The following PCCA variants were observed in gnomAD, a reference collection of about 807,000 sequenced individuals.
The protein encoded by PCCA is propionyl-CoA carboxylase alpha chain, mitochondrial.
A neutral mutation model predicts 101.3 loss-of-function variants in PCCA; 74 were observed. That is an observed-to-expected ratio of 0.73 (90% CI 0.61 to 0.89). PCCA has a LOEUF of 0.89. Among genes scored for constraint, PCCA ranks in the 40% least tolerant of loss-of-function variants. PCCA has a pLI of 0.00. For synonymous variants in PCCA, 294 were observed against 313.6 expected, an observed-to-expected ratio of 0.94 and a Z score of 0.66; for missense variants, 891 against 907.0, an observed-to-expected ratio of 0.98 and a Z score of 0.23.
intron 20 of PCCA, among the ~76,000 whole-genome samples, chr13:100,436,578 G>A (rs1017854311): frequency 1.3e-5 from 2 of 152,210 alleles, no homozygotes; most frequent in African/African-American, 2.4e-5. Flanking sequence ...GGAAGTTGGC[G>A]TGAAACAGCC....
intron 21 of PCCA, among the ~76,000 whole-genome samples, chr13:100,474,615 A>G (rs1002493367): frequency 5.3e-5 from 8 of 152,216 alleles, no homozygotes; most frequent in African/African-American, 1.9e-4. Context: ...CTTCCCAGGT[A>G]GCTGGGACTA....
At chr13:100,420,315 G>A (rs2078661926) in intron 19 of PCCA, among the ~76,000 whole-genome samples, 1 of 152,224 alleles carries the variant, frequency 6.6e-6, no homozygotes, top group Admixed American at 6.5e-5. Context: ...GCTCACGTCT[G>A]TAATCTCAGC....
chr13:100,239,764 C>G (rs1441436130), intron 8 of PCCA, among the ~76,000 whole-genome samples: 2 of 152,108 alleles, frequency 1.3e-5, no homozygotes, highest in South Asian at 2.1e-4. Flanking sequence ...TAACAACTTC[C>G]AGATTATTCA....
chr13:100,262,411 T>G (rs1042627647), intron 9 of PCCA, among the ~76,000 whole-genome samples: 10 of 151,584 alleles, frequency 6.6e-5, no homozygotes, highest in African/African-American at 2.4e-4. Flanking sequence ...AAAAAAGTGA[T>G]ACTTAGCAGT....
At chr13:100,526,509 G>C (rs998178408) in intron 22 of PCCA, among the ~76,000 whole-genome samples, 6 of 151,998 alleles carry the variant, frequency 3.9e-5, no homozygotes, top group Non-Finnish European at 8.8e-5. Flanking sequence ...TGCGCCACAC[G>C]GGGGGGCCAG....
At chr13:100,191,669 G>T (rs1016246910) in intron 6 of PCCA, among the ~76,000 whole-genome samples, 1 of 152,136 alleles carries the variant, frequency 6.6e-6, no homozygotes, top group African/African-American at 2.4e-5. Flanking sequence ...CCCAACACTT[G>T]TTTTGTAAGA....
intron 10 of PCCA, 116 bp from the exon 11 acceptor site, chr13:100,268,573 A>G (rs750038096): frequency 3.8e-6 from 3 of 782,264 alleles, no homozygotes; most frequent in East Asian, 2.5e-5. Flanking sequence ...AGAGGTATGT[A>G]TATACTATGA....
intron 10 of PCCA, among the ~76,000 whole-genome samples, chr13:100,263,824 T>TACGGTATCTGTATATC (rs2062696387): frequency 1.7e-5 from 2 of 114,730 alleles, no homozygotes; most frequent in Admixed American, 1.8e-4. Context: ...GTATATCATA[T>TACGGTATCTGTATATC]ATATGGTATC....
At chr13:100,290,822 G>A (rs539495489) in intron 12 of PCCA, among the ~76,000 whole-genome samples, 11 of 152,032 alleles carry the variant, frequency 7.2e-5, no homozygotes, top group African/African-American at 1.9e-4. Flanking sequence ...GATCTTCCAG[G>A]TTACTAATTC....
chr13:100,203,306 T>A (rs950187531), intron 6 of PCCA, among the ~76,000 whole-genome samples: 3 of 151,054 alleles, frequency 2.0e-5, no homozygotes, highest in Non-Finnish European at 4.4e-5. Flanking sequence ...GAGATGATAG[T>A]TTTGATCTAT....
At chr13:100,204,801 C>A (rs970927866) in intron 6 of PCCA, among the ~76,000 whole-genome samples, 17 of 152,126 alleles carry the variant, frequency 1.1e-4, no homozygotes, top group African/African-American at 2.4e-4. Context: ...TCTTTCTCTT[C>A]TTTTGTCTTG....
At position 100,449,304 on chromosome 13, in the gene PCCA, T is replaced by G. The variant is rs375617644; in HGVS notation, c.1898T>G (p.Val633Gly). Reference protein sequence around the residue: ...GNMSIQFLGTVYKVNILTRLA... With the variant: ...GNMSIQFLGTGYKVNILTRLA... The stretch of plus-strand genomic sequence containing the variant: ...ATGAGCATTCAGTTTCTTGGTACAG[T>G]GGTAAGTATGAAATCATTCTTTATT... The change falls in exon 21 of 24, where the codon GTG becomes GGG. Residue 633 changes from valine to glycine, a missense_variant and splice_region_variant. Coordinates refer to ENST00000376285, the MANE Select transcript of PCCA (RefSeq NM_000282.4). 2.9e-5 allele frequency: 43 copies of G among 1,508,564 alleles called. No homozygotes were observed. The African/African-American group carries it at 5.9e-4, about 21-fold the overall frequency. The allele number at this position is 1,508,564 out of a possible 1,614,324, so 93.4% of individuals were successfully genotyped here. A position where few individuals can be genotyped will look rare whatever the true frequency, so the allele number is the denominator to read the frequency against.
At chr13:100,476,195 T>A (rs1312294628) in intron 21 of PCCA, among the ~76,000 whole-genome samples, 2 of 152,218 alleles carry the variant, frequency 1.3e-5, no homozygotes, top group African/African-American at 2.4e-5. Context: ...TAATGCTGTT[T>A]GTGTAATTTT....
chr13:100,449,632 G>A (rs2081079840), intron 21 of PCCA, among the ~76,000 whole-genome samples: 1 of 152,132 alleles, frequency 6.6e-6, no homozygotes, highest in South Asian at 2.1e-4. Context: ...GATTACAGGT[G>A]CCTGCCACCA....
chr13:100,343,895 C>T (rs942608613), intron 18 of PCCA, among the ~76,000 whole-genome samples: 2 of 152,110 alleles, frequency 1.3e-5, no homozygotes, highest in Admixed American at 1.3e-4. Flanking sequence ...GCCAACATGG[C>T]GAAACCCTGT....
At chr13:100,491,217 G>GA (rs989342756) in intron 21 of PCCA, 6 of 156,256 alleles carry the variant, frequency 3.8e-5, no homozygotes, top group Admixed American at 1.9e-4. Flanking sequence ...CTAAAGGAAG[G>GA]AAATGTATGT....
At chr13:100,450,730 T>C (rs1338431005) in intron 21 of PCCA, among the ~76,000 whole-genome samples, 2 of 152,226 alleles carry the variant, frequency 1.3e-5, no homozygotes, top group Non-Finnish European at 2.9e-5. Context: ...GAGATGTATA[T>C]ATAATTTATG....
chr13:100,527,374 A>G, intron 22 of PCCA: 1 of 520,192 alleles, frequency 1.9e-6, no homozygotes, highest in Non-Finnish European at 3.8e-6. Context: ...ATTTCCGAAC[A>G]CCTCTGTTAG....
intron 18 of PCCA, among the ~76,000 whole-genome samples, chr13:100,350,555 G>C (rs1309115561): frequency 6.6e-6 from 1 of 152,134 alleles, no homozygotes; most frequent in Non-Finnish European, 1.5e-5. Context: ...GTTGAAGATG[G>C]TTTAGAAATC....
Sources: allele counts gnomAD v4.1 joint callset (sites outside exome capture counted in the v4.1 genomes callset), GRCh38; gene constraint gnomAD v4.1.1; transcripts MANE v1.5; gene names NCBI Gene and HGNC (gene_info 2026-07-23, HGNC 2026-07-21).